Variants in ANKRD17 observed in about 807,000 individuals in gnomAD.
ANKRD17 encodes ankyrin repeat domain-containing protein 17.
Under a neutral mutation model 229.7 loss-of-function variants are expected in ANKRD17, and 19 were observed. The observed-to-expected ratio is 0.08, with a 90% CI of 0.06 to 0.12. The LOEUF is 0.12. Among genes scored for constraint, ANKRD17 ranks in the 10% least tolerant of loss-of-function variants. The pLI is 1.00. For missense variants in ANKRD17, 2,176 were observed against 3,176.8 expected (o/e 0.68, Z 7.57); for synonymous variants, 1,112 against 1,146.1 (o/e 0.97, Z 0.60).
chr4:73,177,498 T>C lies in ANKRD17; in HGVS notation c.429A>G (p.Glu143=). ...TGGAAGCTGTTTCCAGCATTGGATT[T>C]TCCAAATCATCCTGATCCAAAATGA... ...ESFILDQDDL[E]NPMLETASKL... is the part of the protein sequence containing the mutation. Residue 143 remains glutamate (E), a synonymous_variant, in exon 2 of 34, where the codon GAA becomes GAG. Transcript: ENST00000358602. The C allele has an allele frequency of 6.2e-7, 1 of 1,613,514 alleles. No homozygotes were observed. The highest frequency in any genetic ancestry group is 8.5e-7 in the Non-Finnish European group (1 of 1,179,692).
intron 3 of ANKRD17, among the ~76,000 whole-genome samples, chr4:73,156,680 T>C (rs1026600683): frequency 6.6e-6 from 1 of 152,110 alleles, no homozygotes; most frequent in African/African-American, 2.4e-5. Context: ...GCTTCCCCTC[T>C]CTCTCTCCTG....
At chr4:73,239,094 A>G (rs1484612018) in intron 1 of ANKRD17, among the ~76,000 whole-genome samples, 2 of 152,154 alleles carry the variant, frequency 1.3e-5, no homozygotes, top group Non-Finnish European at 2.9e-5. Context: ...GAAAGAGGTG[A>G]TATATGATCT....
In ANKRD17 at chr4:73,135,244, G is replaced by A; in HGVS notation, c.3107C>T (p.Ala1036Val). 6.2e-7 allele frequency: 1 copy of A among 1,613,040 alleles called. No homozygotes were observed. Among genetic ancestry groups the A allele is most frequent in the Non-Finnish European group, 8.5e-7 (1 of 1,179,358 alleles). The change falls in exon 16 of 34, where the codon GCA becomes GTA. Residue 1036 changes from alanine to valine, a missense_variant. Physicochemically the swap from Ala to Val is moderately conservative, Grantham distance 64. Coordinates refer to ENST00000358602, the MANE Select transcript of ANKRD17 (RefSeq NM_032217.5). ...ACTGTGGGTAGGAGTGTTTGACATT[G>A]CAGATGCTCTTCCACTGACTGCTGT... Reference protein sequence around the residue: ...IMAAVSGRASAMSNTPTHSIA... With the variant: ...IMAAVSGRASVMSNTPTHSIA...
intron 26 of ANKRD17, 93 bp from the exon 27 acceptor site, chr4:73,097,365 T>A: frequency 1.9e-6 from 2 of 1,063,700 alleles, no homozygotes; most frequent in Non-Finnish European, 2.6e-6. Context: ...TTTAAAAATT[T>A]ATTTTTAAAT....
intron 24 of ANKRD17, chr4:73,112,812 G>A: frequency 1.7e-6 from 1 of 597,158 alleles, no homozygotes; most frequent in Non-Finnish European, 2.1e-6. Context: ...TTTTGAGACG[G>A]AGTCTCACTC....
At chr4:73,204,358 C>CAAAAAAAAAAAA (rs374000000) in intron 1 of ANKRD17, among the ~76,000 whole-genome samples, 7 of 59,118 alleles carry the variant, frequency 1.2e-4, no homozygotes, top group Admixed American at 4.6e-4. Context: ...GAGACTCCGT[C>CAAAAAAAAAAAA]AAAAAAAAAA....
chr4:73,210,595 A>G lies in ANKRD17; in HGVS notation c.394-33062T>C, dbSNP rs74620258. Among the ~76,000 whole-genome samples, 1,464 of 152,312 alleles carry G rather than the reference A, an allele frequency of 9.6e-3. 15 individuals carry two copies. Among genetic ancestry groups the G allele is most frequent in the South Asian group, 0.025 (121 of 4,824 alleles). On this transcript the variant is annotated intron_variant, in intron 1 of 33. Coordinates refer to ENST00000358602, the MANE Select transcript of ANKRD17 (RefSeq NM_032217.5). ...CTAAATTTTATTGTTGAAACAAACA[A>G]GACCATCAGAAAACCTAGTACTTAC...
At chr4:73,204,662 A>AT (rs1739213030) in intron 1 of ANKRD17, among the ~76,000 whole-genome samples, 1 of 152,160 alleles carries the variant, frequency 6.6e-6, no homozygotes. Flanking sequence ...TCTTTAAATA[A>AT]TAAGAATCTA....
intron 1 of ANKRD17, among the ~76,000 whole-genome samples, chr4:73,214,138 T>A (rs1456910622): frequency 6.6e-6 from 1 of 152,204 alleles, no homozygotes; most frequent in Non-Finnish European, 1.5e-5. Flanking sequence ...TAAAGCAATA[T>A]TCAAATTCCC....
chr4:73,238,370 A>T (rs1743702055), intron 1 of ANKRD17, among the ~76,000 whole-genome samples: 1 of 152,164 alleles, frequency 6.6e-6, no homozygotes, highest in South Asian at 2.1e-4. Flanking sequence ...TCACATTTTG[A>T]GCACTTACTG....
chr4:73,218,131 T>C (rs1741334272), intron 1 of ANKRD17, among the ~76,000 whole-genome samples: 2 of 152,150 alleles, frequency 1.3e-5, no homozygotes, highest in South Asian at 2.1e-4. Context: ...CATTCATAAA[T>C]ACATATAACA....
rs776646080 is a variant in ANKRD17 at position 73,258,342 on chromosome 4, G to GCCGCCGCCACCTCCGCCTCCA, written c.306_326dup (p.Gly104_Gly110dup). 2 of 1,612,540 alleles carry GCCGCCGCCACCTCCGCCTCCA rather than the reference G, an allele frequency of 1.2e-6. No individual in the cohort carries two copies. Among genetic ancestry groups the GCCGCCGCCACCTCCGCCTCCA allele is most frequent in the Non-Finnish European group, 8.5e-7 (1 of 1,179,758 alleles). On this transcript the variant is annotated inframe_insertion, in exon 1 of 34. Transcript: ENST00000358602. Reference sequence around the variant, plus strand: ...CCTCGCTGTTGTTACTGCTGGTGCCGCCGCCGCCACCTCCGCCTCCACCGC... The same window carrying GCCGCCGCCACCTCCGCCTCCA: ...CCTCGCTGTTGTTACTGCTGGTGCCGCCGCCGCCACCTCCGCCTCCACCGCCGCCACCTCCGCCTCCACCGC...
intron 15 of ANKRD17, among the ~76,000 whole-genome samples, chr4:73,138,380 C>T (rs751564043): frequency 7.9e-5 from 12 of 152,036 alleles, no homozygotes; most frequent in Non-Finnish European, 1.2e-4. Flanking sequence ...CTATTAAAGG[C>T]GGACTAGCAA....
chr4:73,171,764 C>G (rs1402103773), intron 2 of ANKRD17, among the ~76,000 whole-genome samples: 35 of 152,024 alleles, frequency 2.3e-4, no homozygotes. Context: ...CTGAAAAATG[C>G]AACAGACACA....
intron 1 of ANKRD17, among the ~76,000 whole-genome samples, chr4:73,257,599 T>C (rs769887360): frequency 3.3e-5 from 5 of 152,222 alleles, no homozygotes; most frequent in African/African-American, 4.8e-5. Flanking sequence ...TATATGGTCA[T>C]TTGTAATTAT....
Position 73,192,557 on chromosome 4 carries a change from T to TA in ANKRD17, c.394-15025dup, listed in dbSNP as rs551259613. Among the ~76,000 whole-genome samples, 97 of 149,202 alleles carry TA rather than the reference T, an allele frequency of 6.5e-4. 1 individual carries two copies. The South Asian group carries it at 0.016, about 25-fold the overall frequency. On this transcript the variant is annotated intron_variant, in intron 1 of 33. Transcript: ENST00000358602. The stretch of plus-strand genomic sequence containing the variant: ...CCATACCCTTCTATATTGCTTACCT[T>TA]AAAAAAAAAATGCAGTTTTCTACCG...
chr4:73,171,906 A>G (rs1734088867), intron 2 of ANKRD17, among the ~76,000 whole-genome samples: 1 of 152,202 alleles, frequency 6.6e-6, no homozygotes, highest in East Asian at 1.9e-4. Flanking sequence ...AGAATGAAGC[A>G]TGCCTACAAG....
chr4:73,192,221 T>A (rs1243888281), intron 1 of ANKRD17, among the ~76,000 whole-genome samples: 1 of 152,108 alleles, frequency 6.6e-6, no homozygotes, highest in Non-Finnish European at 1.5e-5. Context: ...TGTTCCTTGC[T>A]CTATCCCCTG....
intron 23 of ANKRD17, 87 bp from the exon 24 acceptor site, chr4:73,113,995 G>T: frequency 1.1e-6 from 1 of 931,080 alleles, no homozygotes; most frequent in East Asian, 2.4e-5. Context: ...CTTTAGTAAG[G>T]TACTCAAACC....
Sources: allele counts gnomAD v4.1 joint callset (sites outside exome capture counted in the v4.1 genomes callset), GRCh38; gene constraint gnomAD v4.1.1; transcripts MANE v1.5; gene names NCBI Gene and HGNC (gene_info 2026-07-23, HGNC 2026-07-21).